The following DNM3 variants were observed in gnomAD, a reference collection of about 807,000 sequenced individuals.
DNM3 encodes dynamin-3.
Under a neutral mutation model 101.6 loss-of-function variants are expected in DNM3, and 47 were observed. The observed-to-expected ratio is 0.46, with a 90% confidence interval of 0.37 to 0.59. The LOEUF (loss-of-function observed/expected upper bound fraction) is 0.59. Among genes scored for constraint, DNM3 ranks in the 20% least tolerant of loss-of-function variants. The pLI, the probability that DNM3 is intolerant of heterozygous loss-of-function variation, is 0.00. For synonymous variants in DNM3, 385 were observed against 387.9 expected (o/e 0.99, Z 0.09); for missense variants, 849 against 1,085.7 (o/e 0.78, Z 3.06).
chr1:172,068,688 TTGA>T (rs2051901983), intron 10 of DNM3, 128 bp from the exon 11 acceptor site: 1 of 721,328 alleles, frequency 1.4e-6, no homozygotes, highest in Non-Finnish European at 2.4e-6. Flanking sequence ...TCTTTAGGAG[TTGA>T]TGATATTTCA....
chr1:172,370,336 C>T (rs996036795), intron 17 of DNM3: 7 of 151,824 alleles, frequency 4.6e-5, no homozygotes, highest in Non-Finnish European at 8.8e-5. Flanking sequence ...AGAAAAAGTT[C>T]TCATTTTAAA....
intron 1 of DNM3, among the ~76,000 whole-genome samples, chr1:171,904,674 G>A (rs1252375383): frequency 6.6e-6 from 1 of 152,056 alleles, no homozygotes; most frequent in Non-Finnish European, 1.5e-5. Context: ...TTTTTTGCGG[G>A]TAGTTGAAGC....
intron 2 of DNM3, among the ~76,000 whole-genome samples, chr1:171,942,115 G>A (rs912247409): frequency 4.0e-5 from 6 of 151,810 alleles, no homozygotes; most frequent in East Asian, 3.9e-4. Flanking sequence ...ACTTAGCAAA[G>A]GTGGCTTGGG....
At chr1:171,882,446 C>T (rs1441971614) in intron 1 of DNM3, among the ~76,000 whole-genome samples, 1 of 151,288 alleles carries the variant, frequency 6.6e-6, no homozygotes, top group Non-Finnish European at 1.5e-5. Context: ...CACACACACA[C>T]ACACACACAC....
chr1:172,055,757 C>T (rs777377786), intron 10 of DNM3, among the ~76,000 whole-genome samples: 3 of 152,162 alleles, frequency 2.0e-5, no homozygotes, highest in Non-Finnish European at 4.4e-5. Flanking sequence ...AAGCATCATA[C>T]TATTTAGGAC....
At chr1:172,196,890 A>C (rs780669791) in intron 14 of DNM3, among the ~76,000 whole-genome samples, 2 of 151,902 alleles carry the variant, frequency 1.3e-5, no homozygotes, top group African/African-American at 2.4e-5. Context: ...TTCTTTTGCT[A>C]TGCAGAAGCT....
chr1:172,124,102 A>G (rs944842640), intron 13 of DNM3, among the ~76,000 whole-genome samples: 1 of 152,238 alleles, frequency 6.6e-6, no homozygotes, highest in African/African-American at 2.4e-5. Context: ...TCTATAGCTT[A>G]TCAGAAATTC....
At chr1:172,287,099 G>A (rs1013695549) in intron 15 of DNM3, among the ~76,000 whole-genome samples, 5 of 152,170 alleles carry the variant, frequency 3.3e-5, no homozygotes, top group African/African-American at 1.2e-4. Flanking sequence ...GAAAATGAAG[G>A]CTAAGGAAAA....
intron 15 of DNM3, among the ~76,000 whole-genome samples, chr1:172,270,899 T>G (rs2063058374): frequency 6.6e-6 from 1 of 152,188 alleles, no homozygotes; most frequent in Non-Finnish European, 1.5e-5. Flanking sequence ...TTCAAACAAG[T>G]AACTGCCTTT....
intron 1 of DNM3, among the ~76,000 whole-genome samples, chr1:171,894,799 G>C (rs921512439): frequency 1.0e-5 from 1 of 98,580 alleles, no homozygotes; most frequent in East Asian, 3.6e-4. Flanking sequence ...AAGTGTTCTC[G>C]TTGTTCAATT....
At chr1:172,133,824 G>T (rs955466309) in intron 14 of DNM3, among the ~76,000 whole-genome samples, 1 of 152,130 alleles carries the variant, frequency 6.6e-6, no homozygotes, top group African/African-American at 2.4e-5. Flanking sequence ...GGATCCAACA[G>T]GAAGTCTGTG....
chr1:171,916,893 C>T (rs1026171970), intron 1 of DNM3, among the ~76,000 whole-genome samples: 2 of 152,162 alleles, frequency 1.3e-5, no homozygotes, highest in African/African-American at 4.8e-5. Context: ...TTGTGCTACT[C>T]TGGTCTTCCA....
chr1:172,004,997 G>C lies in DNM3; in HGVS notation c.589+15849G>C, dbSNP rs373072136. On this transcript the variant is annotated intron_variant, in intron 4 of 20. Coordinates refer to ENST00000627582, the MANE Select transcript of DNM3 (RefSeq NM_015569.5). Reference sequence around the variant, plus strand: ...TTCTGAAGAAATTTTGCTTTAATAAGAATTTGCATTAATAAAACCATAAAC... The same window carrying C: ...TTCTGAAGAAATTTTGCTTTAATAACAATTTGCATTAATAAAACCATAAAC... Among the ~76,000 whole-genome samples the C allele has an allele frequency of 3.1e-4, 47 of 152,148 alleles. No homozygotes were observed. The South Asian group carries it at 3.5e-3, about 11-fold the overall frequency.
intron 14 of DNM3, among the ~76,000 whole-genome samples, chr1:172,204,817 C>T (rs969315328): frequency 2.0e-5 from 3 of 152,078 alleles, no homozygotes; most frequent in African/African-American, 7.2e-5. Flanking sequence ...AATGTTCTAC[C>T]CTCCACACCA....
chr1:172,082,508 A>G (rs533102556), intron 12 of DNM3, among the ~76,000 whole-genome samples: 2 of 152,306 alleles, frequency 1.3e-5, no homozygotes, highest in Admixed American at 6.5e-5. Flanking sequence ...TGAATGCACT[A>G]TCTTTTCCTG....
chr1:171,937,282 T>C (rs1421525679), intron 2 of DNM3, among the ~76,000 whole-genome samples: 2 of 152,194 alleles, frequency 1.3e-5, no homozygotes, highest in Non-Finnish European at 2.9e-5. Context: ...ATTTATGTTT[T>C]TTTTTTTCCA....
chr1:172,352,290 TA>T (rs2067235287), intron 17 of DNM3, among the ~76,000 whole-genome samples: 1 of 152,218 alleles, frequency 6.6e-6, no homozygotes, highest in East Asian at 1.9e-4. Flanking sequence ...CATTAAAGGC[TA>T]AAAAAGTCAT....
At chr1:172,132,158 C>T (rs1445831814) in intron 14 of DNM3, among the ~76,000 whole-genome samples, 1 of 152,100 alleles carries the variant, frequency 6.6e-6, no homozygotes, top group Non-Finnish European at 1.5e-5. Context: ...CATGTGGCCA[C>T]GAAGGGCATG....
At chr1:172,291,992 T>C (rs1045035652) in intron 15 of DNM3, among the ~76,000 whole-genome samples, 1 of 152,304 alleles carries the variant, frequency 6.6e-6, no homozygotes, top group South Asian at 2.1e-4. Context: ...CAATGAAATA[T>C]AATAATGCTA....
Sources: gnomAD v4.1 joint callset for allele counts (sites outside exome capture counted in the v4.1 genomes callset) on GRCh38, gnomAD v4.1.1 for gene constraint, MANE v1.5 for transcripts, NCBI Gene and HGNC (gene_info 2026-07-23, HGNC 2026-07-21) for gene names.